Variants in LPP observed in about 807,000 individuals in gnomAD.
The protein encoded by LPP is LIM domain containing preferred translocation partner in lipoma, also known as lipoma-preferred partner.
Under a neutral mutation model 60.4 loss-of-function variants are expected in LPP, and 38 were observed. The observed-to-expected ratio is 0.63, with a 90% confidence interval of 0.49 to 0.83. The LOEUF is 0.83. Among genes scored for constraint, LPP ranks in the 40% least tolerant of loss-of-function variants. LPP has a pLI of 0.00. For synonymous variants in LPP, 328 were observed against 290.8 expected, an observed-to-expected ratio of 1.13 and a Z score of -1.30; for missense variants, 902 against 783.6, an observed-to-expected ratio of 1.15 and a Z score of -1.80.
chr3:188,762,645 C>G (rs2150523518), intron 9 of LPP, among the ~76,000 whole-genome samples: 1 of 152,224 alleles, frequency 6.6e-6, no homozygotes, highest in East Asian at 1.9e-4. Context: ...TGTAGGATGC[C>G]AGCCCCTTCT....
chr3:188,578,626 C>CTT lies in LPP; in HGVS notation c.430-30526_430-30525dup, dbSNP rs5855210. Among the ~76,000 whole-genome samples, 201 of 150,242 alleles carry CTT rather than the reference C, an allele frequency of 1.3e-3. 1 individual carries two copies. The highest frequency in any genetic ancestry group is 2.3e-3 in the Non-Finnish European group (157 of 67,546). ...CTAACTTTAGCAACTCATTCCCTCA[C>CTT]TTTTTTTTTTCTTTCAACTTGATTT... On this transcript the variant is annotated intron_variant, in intron 6 of 11. Coordinates refer to ENST00000617246, the MANE Select transcript of LPP (RefSeq NM_001375462.1).
intron 7 of LPP, among the ~76,000 whole-genome samples, chr3:188,699,246 G>A (rs563777475): frequency 3.3e-5 from 5 of 152,164 alleles, no homozygotes; most frequent in Non-Finnish European, 5.9e-5. Flanking sequence ...GCCTTGACAC[G>A]TGGAGACGGA....
At chr3:188,694,490 G>T (rs71308929) in intron 7 of LPP, among the ~76,000 whole-genome samples, 1 of 151,896 alleles carries the variant, frequency 6.6e-6, no homozygotes, top group East Asian at 1.9e-4. Flanking sequence ...ATCACCTGAG[G>T]TTGGGAGTTG....
intron 2 of LPP, among the ~76,000 whole-genome samples, chr3:188,314,106 T>G (rs960694752): frequency 6.6e-6 from 1 of 152,194 alleles, no homozygotes; most frequent in African/African-American, 2.4e-5. Context: ...ACTTATAGCT[T>G]TCTTCTAACT....
At chr3:188,263,881 C>T (rs1734527682) in intron 2 of LPP, among the ~76,000 whole-genome samples, 1 of 152,200 alleles carries the variant, frequency 6.6e-6, no homozygotes, top group African/African-American at 2.4e-5. Flanking sequence ...TTTGGCTTGC[C>T]CAAATCTTAC....
In LPP at chr3:188,503,280, T is replaced by G. The variant is rs532865113; in HGVS notation, c.306+18576T>G. ...TTTTCAGTTGTTGATGTAACAAAAT[T>G]ACATCTTTATACATTGTGTACACAA... On this transcript the variant is annotated intron_variant, in intron 5 of 11. Coordinates refer to ENST00000617246, the MANE Select transcript of LPP (RefSeq NM_001375462.1). Among the ~76,000 whole-genome samples the G allele has an allele frequency of 2.0e-3, 309 of 152,254 alleles. 3 individuals carry two copies. Among genetic ancestry groups the G allele is most frequent in the Non-Finnish European group, 3.4e-3 (228 of 67,978 alleles).
chr3:188,796,697 A>G (rs566118025), intron 9 of LPP, among the ~76,000 whole-genome samples: 1 of 152,280 alleles, frequency 6.6e-6, no homozygotes, highest in East Asian at 1.9e-4. Flanking sequence ...CCCAGTCTGC[A>G]TTTTCTACTA....
intron 2 of LPP, among the ~76,000 whole-genome samples, chr3:188,253,268 A>G (rs1730559314): frequency 6.6e-6 from 1 of 152,024 alleles, no homozygotes; most frequent in Admixed American, 6.5e-5. Context: ...TATAGAGACA[A>G]ATTTAAGAAT....
At chr3:188,719,516 G>A (rs533320518) in intron 8 of LPP, among the ~76,000 whole-genome samples, 1 of 152,322 alleles carries the variant, frequency 6.6e-6, no homozygotes, top group Admixed American at 6.5e-5. Flanking sequence ...GTAGAAGAGA[G>A]ATTTCTACTT....
chr3:188,241,728 G>C (rs1046080877), intron 2 of LPP, among the ~76,000 whole-genome samples: 1 of 152,088 alleles, frequency 6.6e-6, no homozygotes, highest in East Asian at 1.9e-4. Context: ...TCAGAGAGTC[G>C]TTGACTTTGT....
rs138188084 is a variant in LPP, at chr3:188,702,087, C to G, written c.1114-6180C>G. 3.4e-3 allele frequency among the ~76,000 whole-genome samples: 517 copies of G among 151,070 alleles called. 2 individuals are homozygous for G. Among genetic ancestry groups the G allele is most frequent in the African/African-American group, 0.012 (485 of 41,198 alleles). On this transcript the variant is annotated intron_variant, in intron 7 of 11. Transcript: ENST00000617246. ...GCCTCAGCCTCCAGAGTAGCTGGGA[C>G]TACAGACACCAGGCACCCGCCACCA...
At chr3:188,209,375 G>C (rs1017185503) in intron 1 of LPP, among the ~76,000 whole-genome samples, 1 of 152,198 alleles carries the variant, frequency 6.6e-6, no homozygotes, top group Non-Finnish European at 1.5e-5. Context: ...CATGGGCCTT[G>C]ACGGCGAACA....
chr3:188,542,991 C>A (rs936562794), intron 6 of LPP, among the ~76,000 whole-genome samples: 2 of 152,204 alleles, frequency 1.3e-5, no homozygotes, highest in African/African-American at 4.8e-5. Context: ...TTATCTATCT[C>A]TATTCTGCTA....
chr3:188,714,137 A>C (rs1712807270), intron 8 of LPP, among the ~76,000 whole-genome samples: 1 of 152,120 alleles, frequency 6.6e-6, no homozygotes, highest in Admixed American at 6.5e-5. Flanking sequence ...CATAGCTAAT[A>C]ATTTTGGAAT....
chr3:188,250,752 T>C (rs9755796), intron 2 of LPP, among the ~76,000 whole-genome samples: 1 of 120,794 alleles, frequency 8.3e-6, no homozygotes. Context: ...CTTTCTTTCT[T>C]TCTTTCTTTC....
At chr3:188,341,784 A>G in intron 3 of LPP, 65 bp downstream of exon 3, 1 of 574,008 alleles carries the variant, frequency 1.7e-6, no homozygotes, top group Non-Finnish European at 2.2e-6. Flanking sequence ...AGTAATGTTG[A>G]TTTTAGAAGA....
intron 9 of LPP, among the ~76,000 whole-genome samples, chr3:188,794,205 T>C (rs1275898367): frequency 6.6e-6 from 1 of 152,258 alleles, no homozygotes; most frequent in Non-Finnish European, 1.5e-5. Flanking sequence ...GAGAATTTTC[T>C]TTTTCGATTC....
chr3:188,681,807 T>A (rs973968156), intron 7 of LPP, among the ~76,000 whole-genome samples: 1 of 152,200 alleles, frequency 6.6e-6, no homozygotes, highest in African/African-American at 2.4e-5. Flanking sequence ...TTCACCACTA[T>A]CCTGATATTG....
intron 8 of LPP, among the ~76,000 whole-genome samples, chr3:188,739,729 G>A (rs1723757005): frequency 6.6e-6 from 1 of 151,968 alleles, no homozygotes; most frequent in Admixed American, 6.6e-5. Flanking sequence ...TGTTATCTGT[G>A]AGCTGGCTAC....
Sources: gnomAD v4.1 joint callset for allele counts (sites outside exome capture counted in the v4.1 genomes callset) on GRCh38, gnomAD v4.1.1 for gene constraint, MANE v1.5 for transcripts, NCBI Gene and HGNC (gene_info 2026-07-23, HGNC 2026-07-21) for gene names.